Variants in PTPRM observed in about 807,000 individuals in gnomAD.
The protein encoded by PTPRM is protein tyrosine phosphatase receptor type M, also known as receptor-type tyrosine-protein phosphatase mu.
PTPRM carries 47 observed loss-of-function variants against 186.7 expected under a neutral mutation model. The observed-to-expected ratio is 0.25, with a 90% CI of 0.20 to 0.32. PTPRM has a LOEUF of 0.32. PTPRM is among the 10% of genes least tolerant of loss of function. PTPRM has a pLI of 1.00. For missense variants in PTPRM, 1,494 were observed against 1,865.0 expected, an observed-to-expected ratio of 0.80 and a Z score of 3.66; for synonymous variants, 668 against 674.9, an observed-to-expected ratio of 0.99 and a Z score of 0.16.
chr18:8,038,504 G>A (rs551953487), intron 7 of PTPRM, among the ~76,000 whole-genome samples: 241 of 150,804 alleles, frequency 1.6e-3, no homozygotes, highest in African/African-American at 5.5e-3. Flanking sequence ...TGATTCTTGT[G>A]CCTCAGCCTC....
intron 1 of PTPRM, among the ~76,000 whole-genome samples, chr18:7,767,822 C>A (rs962930455): frequency 6.6e-6 from 1 of 152,076 alleles, no homozygotes; most frequent in Non-Finnish European, 1.5e-5. Flanking sequence ...GAAAAATGAA[C>A]AAGTTCGTTG....
At chr18:8,127,577 G>GGGGCAACT (rs2092402748) in intron 13 of PTPRM, among the ~76,000 whole-genome samples, 1 of 151,816 alleles carries the variant, frequency 6.6e-6, no homozygotes, top group Non-Finnish European at 1.5e-5. Context: ...GGTTTCAGGA[G>GGGGCAACT]GGGCAACTGG....
intron 7 of PTPRM, among the ~76,000 whole-genome samples, chr18:7,996,540 A>G (rs1420781757): frequency 6.6e-6 from 1 of 152,166 alleles, no homozygotes; most frequent in African/African-American, 2.4e-5. Flanking sequence ...TCATGGCCAG[A>G]GAAATCAAGC....
Position 8,253,432 on chromosome 18 carries a change from G to A in PTPRM, c.2754+18G>A. ...AATACGAGGTGAGCACAAGCTCTGT[G>A]CCAGGGCTTTCCCATTCCTTCTTGG... On this transcript the variant is annotated intron_variant, in intron 19 of 32. Coordinates refer to ENST00000580170, the MANE Select transcript of PTPRM (RefSeq NM_001105244.2). 2 of 1,414,844 alleles carry A rather than the reference G, an allele frequency of 1.4e-6. No individual in the cohort carries two copies. Among genetic ancestry groups the A allele is most frequent in the Non-Finnish European group, 1.9e-6 (2 of 1,075,210 alleles). The allele number at this position is 1,414,844 out of a possible 1,614,324, so 87.6% of individuals were successfully genotyped here.
At chr18:8,372,784 C>T (rs1030910044) in intron 24 of PTPRM, among the ~76,000 whole-genome samples, 5 of 150,990 alleles carry the variant, frequency 3.3e-5, no homozygotes, top group East Asian at 1.9e-4. Context: ...CATGAATAAC[C>T]GCATTAAAAC....
At chr18:8,337,861 C>G (rs1375074452) in intron 22 of PTPRM, among the ~76,000 whole-genome samples, 1 of 152,114 alleles carries the variant, frequency 6.6e-6, no homozygotes, top group Non-Finnish European at 1.5e-5. Flanking sequence ...TGTGTGGGAC[C>G]GCATTTGCCT....
At chr18:8,235,319 G>A (rs1290765378) in intron 14 of PTPRM, among the ~76,000 whole-genome samples, 1 of 152,030 alleles carries the variant, frequency 6.6e-6, no homozygotes, top group African/African-American at 2.4e-5. Context: ...ACCTTTCAAG[G>A]AACTGGTCTA....
chr18:8,393,274 C>T (rs1400547865), intron 31 of PTPRM, among the ~76,000 whole-genome samples: 1 of 152,196 alleles, frequency 6.6e-6, no homozygotes, highest in Non-Finnish European at 1.5e-5. Context: ...AATGCACGGC[C>T]TTGTTTCCAG....
At chr18:7,667,056 A>G (rs1490193761) in intron 1 of PTPRM, among the ~76,000 whole-genome samples, 2 of 152,226 alleles carry the variant, frequency 1.3e-5, no homozygotes, top group Non-Finnish European at 2.9e-5. Context: ...GAAATTAAGC[A>G]CAGTTACTTG....
chr18:8,039,561 C>CAT lies in PTPRM; in HGVS notation c.1133-30122_1133-30121dup, dbSNP rs1468410379. On this transcript the variant is annotated intron_variant, in intron 7 of 32. Transcript: ENST00000580170. ...AACATTTTTAAATTGACAAAAATTA[C>CAT]ATATGTATGGTATAAAACATGCTTT... 5.9e-5 allele frequency among the ~76,000 whole-genome samples: 9 copies of CAT among 152,200 alleles called. No individual in the cohort carries two copies. The East Asian group carries it at 9.6e-4, about 16-fold the overall frequency.
At chr18:7,941,268 C>T (rs564937480) in intron 5 of PTPRM, among the ~76,000 whole-genome samples, 6 of 152,132 alleles carry the variant, frequency 3.9e-5, no homozygotes, top group Admixed American at 6.5e-5. Context: ...TATGCTCTGC[C>T]GAAAGCCTGA....
At chr18:8,005,511 GACATATGCCCATTTT>G (rs1372272338) in intron 7 of PTPRM, among the ~76,000 whole-genome samples, 1 of 152,152 alleles carries the variant, frequency 6.6e-6, no homozygotes, top group Non-Finnish European at 1.5e-5. Flanking sequence ...GGTTGAGGTT[GACATATGCCCATTTT>G]ACAGATGGGT....
At chr18:7,837,081 G>A (rs964557186) in intron 2 of PTPRM, among the ~76,000 whole-genome samples, 4 of 151,932 alleles carry the variant, frequency 2.6e-5, no homozygotes, top group Non-Finnish European at 4.4e-5. Flanking sequence ...TTTCTACCCC[G>A]GTCTCTTTCT....
chr18:8,352,368 G>C (rs2095538756), intron 23 of PTPRM, among the ~76,000 whole-genome samples: 2 of 152,138 alleles, frequency 1.3e-5, no homozygotes, highest in African/African-American at 4.8e-5. Context: ...TGAGGTTAGG[G>C]CTTCTAATGA....
intron 19 of PTPRM, among the ~76,000 whole-genome samples, chr18:8,284,627 A>G (rs2147775552): frequency 6.6e-6 from 1 of 152,260 alleles, no homozygotes; most frequent in East Asian, 1.9e-4. Flanking sequence ...GCACATGCCC[A>G]TAGTCCCAGC....
At chr18:8,361,613 C>T (rs2095597682) in intron 23 of PTPRM, among the ~76,000 whole-genome samples, 1 of 152,230 alleles carries the variant, frequency 6.6e-6, no homozygotes. Flanking sequence ...ACTCCTAAGG[C>T]TTCCAAAGAA....
intron 1 of PTPRM, among the ~76,000 whole-genome samples, chr18:7,726,032 C>T (rs931134989): frequency 1.7e-4 from 26 of 152,134 alleles, no homozygotes; most frequent in African/African-American, 2.4e-5. Context: ...GTACAGAGTT[C>T]GCTCTTGCTC....
chr18:7,937,942 C>T (rs1421140184), intron 5 of PTPRM, among the ~76,000 whole-genome samples: 3 of 152,110 alleles, frequency 2.0e-5, no homozygotes, highest in Non-Finnish European at 4.4e-5. Context: ...TTTCAGGGAG[C>T]TTCTTTGCTT....
At chr18:8,400,907 G>A (rs1442107859) in intron 32 of PTPRM, among the ~76,000 whole-genome samples, 2 of 152,152 alleles carry the variant, frequency 1.3e-5, no homozygotes, top group African/African-American at 2.4e-5. Flanking sequence ...GGTGGTGAGT[G>A]CAGGAGTTGG....
Sources: gnomAD v4.1 joint callset for allele counts (sites outside exome capture counted in the v4.1 genomes callset) on GRCh38, gnomAD v4.1.1 for gene constraint, MANE v1.5 for transcripts, NCBI Gene and HGNC (gene_info 2026-07-23, HGNC 2026-07-21) for gene names.